SHISA9: variants seen among roughly 807,000 people sequenced by gnomAD.
SHISA9 encodes protein shisa-9.
Under a neutral mutation model 38.0 loss-of-function variants are expected in SHISA9, and 13 were observed. That is an observed-to-expected ratio of 0.34 (90% CI 0.22 to 0.54). The LOEUF (loss-of-function observed/expected upper bound fraction) is 0.54, where lower values mean the gene tolerates loss of function less well. Among genes scored for constraint, SHISA9 ranks in the 20% least tolerant of loss-of-function variants. The pLI, the probability that SHISA9 is intolerant of heterozygous loss-of-function variation, is 0.91. For synonymous variants in SHISA9, 275 were observed against 242.0 expected, an observed-to-expected ratio of 1.14 and a Z score of -1.27; for missense variants, 538 against 575.8, an observed-to-expected ratio of 0.93 and a Z score of 0.67.
chr16:13,371,159 T>C, the SHISA9 span, among the ~76,000 whole-genome samples: 1 of 152,182 alleles, frequency 6.6e-6, no homozygotes, highest in Non-Finnish European at 1.5e-5. Flanking sequence ...AGGTAACTTA[T>C]CCAAAACTAC....
intron 4 of SHISA9, among the ~76,000 whole-genome samples, chr16:13,218,532 G>C (rs2051192636): frequency 6.6e-6 from 1 of 152,222 alleles, no homozygotes; most frequent in African/African-American, 2.4e-5. Context: ...AGTGGATAGT[G>C]TTGGGTTTGG....
intron 2 of SHISA9, among the ~76,000 whole-genome samples, chr16:12,929,395 C>G (rs2071434574): frequency 6.6e-6 from 1 of 152,080 alleles, no homozygotes; most frequent in African/African-American, 2.4e-5. Context: ...AATCTAAATG[C>G]CCATCAATGA....
the SHISA9 span, among the ~76,000 whole-genome samples, chr16:13,451,727 C>T: frequency 2.0e-5 from 3 of 152,214 alleles, no homozygotes; most frequent in East Asian, 5.8e-4. Context: ...ATAATGATAA[C>T]AGAGTAACTG....
chr16:13,470,516 G>A, the SHISA9 span, among the ~76,000 whole-genome samples: 6 of 152,210 alleles, frequency 3.9e-5, no homozygotes, highest in Non-Finnish European at 5.9e-5. Flanking sequence ...GCAGGCAAGA[G>A]AGCTTGTGCA....
chr16:13,229,343 T>G (rs1008134265), intron 4 of SHISA9, among the ~76,000 whole-genome samples: 1 of 152,200 alleles, frequency 6.6e-6, no homozygotes, highest in Non-Finnish European at 1.5e-5. Flanking sequence ...GAGCTTATTA[T>G]GGAGAGATCT....
chr16:13,145,476 A>G (rs2050439275), intron 2 of SHISA9, among the ~76,000 whole-genome samples: 1 of 152,160 alleles, frequency 6.6e-6, no homozygotes, highest in African/African-American at 2.4e-5. Context: ...GCAGTGAGCC[A>G]AGATCGTGCC....
chr16:12,908,937 A>G, intron 1 of SHISA9: 2 of 1,008,580 alleles, frequency 2.0e-6, no homozygotes, highest in South Asian at 8.7e-5. Context: ...GTGTGTTTTT[A>G]AAACATGCTT....
intron 2 of SHISA9, among the ~76,000 whole-genome samples, chr16:12,971,461 T>C (rs1430379222): frequency 6.6e-6 from 1 of 152,218 alleles, no homozygotes; most frequent in East Asian, 1.9e-4. Context: ...GAGAGAGGTC[T>C]TCCCACGAAG....
chr16:13,076,175 C>T (rs910831403), intron 2 of SHISA9, among the ~76,000 whole-genome samples: 3 of 151,970 alleles, frequency 2.0e-5, no homozygotes, highest in Non-Finnish European at 4.4e-5. Flanking sequence ...GGATTACATG[C>T]ATGCGCCATC....
At chr16:12,920,838 T>C (rs553467484) in intron 2 of SHISA9, among the ~76,000 whole-genome samples, 2 of 152,364 alleles carry the variant, frequency 1.3e-5, no homozygotes, top group South Asian at 2.1e-4. Flanking sequence ...TCCTTTTCTG[T>C]TCTAGAGTCC....
chr16:13,364,742 A>T, the SHISA9 span, among the ~76,000 whole-genome samples: 1 of 152,220 alleles, frequency 6.6e-6, no homozygotes, highest in African/African-American at 2.4e-5. Context: ...TCCCTGGACG[A>T]TAATCACTTC....
intron 2 of SHISA9, among the ~76,000 whole-genome samples, chr16:13,091,867 G>T (rs2073778577): frequency 6.6e-6 from 1 of 152,158 alleles, no homozygotes; most frequent in Admixed American, 6.5e-5. Context: ...GCGATCCTTT[G>T]GAGGAGAAGA....
chr16:13,367,712 G>GCGCGCGCACA, the SHISA9 span, among the ~76,000 whole-genome samples: 7 of 104,688 alleles, frequency 6.7e-5, no homozygotes, highest in South Asian at 1.6e-3. Context: ...GCGCGCGCGC[G>GCGCGCGCACA]CACACACACA....
the SHISA9 span, among the ~76,000 whole-genome samples, chr16:13,307,587 C>G: frequency 6.6e-6 from 1 of 152,154 alleles, no homozygotes; most frequent in African/African-American, 2.4e-5. Flanking sequence ...ACACTTCTTC[C>G]CACAAATACC....
At chr16:13,532,177 T>A in the SHISA9 span, among the ~76,000 whole-genome samples, 1 of 152,098 alleles carries the variant, frequency 6.6e-6, no homozygotes, top group African/African-American at 2.4e-5. Flanking sequence ...CTGAATAGAA[T>A]ATGGGATGGA....
chr16:12,994,824 T>G (rs147094105), intron 2 of SHISA9, among the ~76,000 whole-genome samples: 334 of 152,192 alleles, frequency 2.2e-3, no homozygotes, highest in Admixed American at 6.1e-3. Flanking sequence ...GACAGCTGGG[T>G]GGATAGAGGT....
the SHISA9 span, among the ~76,000 whole-genome samples, chr16:13,370,818 G>A: frequency 6.6e-6 from 1 of 152,112 alleles, no homozygotes; most frequent in African/African-American, 2.4e-5. Context: ...TAGTCTGAAA[G>A]AGAGGCTGGG....
the SHISA9 span, among the ~76,000 whole-genome samples, chr16:13,431,631 T>A: frequency 1.3e-5 from 2 of 152,222 alleles, no homozygotes; most frequent in African/African-American, 4.8e-5. Context: ...TTTTTCTCAT[T>A]GATGGATTAA....
chr16:12,904,870 T>C (rs1373898101), intron 1 of SHISA9, among the ~76,000 whole-genome samples: 1 of 152,060 alleles, frequency 6.6e-6, no homozygotes, highest in African/African-American at 2.4e-5. Context: ...AGCATCTGTA[T>C]TATTATTTAT....
Sources: gnomAD v4.1 joint callset for allele counts (sites outside exome capture counted in the v4.1 genomes callset) on GRCh38, gnomAD v4.1.1 for gene constraint, MANE v1.5 for transcripts, NCBI Gene and HGNC (gene_info 2026-07-23, HGNC 2026-07-21) for gene names.